The following HS3ST4 variants were observed in gnomAD, a reference collection of about 807,000 sequenced individuals.
The protein encoded by HS3ST4 is heparan sulfate glucosamine 3-O-sulfotransferase 4.
A neutral mutation model predicts 29.2 loss-of-function variants in HS3ST4; 17 were observed. That is an observed-to-expected ratio of 0.58 (90% CI 0.40 to 0.87). The LOEUF is 0.87. Among genes scored for constraint, HS3ST4 ranks in the 40% least tolerant of loss-of-function variants. The probability of loss-of-function intolerance (pLI) is 0.00; values close to 1 mark genes in which losing one functional copy is unlikely to be tolerated. For missense variants in HS3ST4, 627 were observed against 634.5 expected, an observed-to-expected ratio of 0.99 and a Z score of 0.13; for synonymous variants, 314 against 285.7, an observed-to-expected ratio of 1.10 and a Z score of -1.00.
chr16:25,723,619 A>T (rs76644256), intron 1 of HS3ST4, among the ~76,000 whole-genome samples: 12,073 of 152,226 alleles, frequency 0.079, 743 homozygotes, highest in East Asian at 0.24. Context: ...GAAAGAATGG[A>T]TTTGTCCATT....
At chr16:25,869,330 C>T (rs185346140) in intron 1 of HS3ST4, among the ~76,000 whole-genome samples, 2 of 152,238 alleles carry the variant, frequency 1.3e-5, no homozygotes, top group Non-Finnish European at 2.9e-5. Context: ...GTTGTGACGA[C>T]TTTCCCCATG....
intron 1 of HS3ST4, among the ~76,000 whole-genome samples, chr16:26,114,695 C>G (rs1456152600): frequency 6.6e-6 from 1 of 152,104 alleles, no homozygotes; most frequent in Non-Finnish European, 1.5e-5. Context: ...GTGTCAGTCA[C>G]TACACTGGTA....
At chr16:25,897,834 A>C (rs559777186) in intron 1 of HS3ST4, among the ~76,000 whole-genome samples, 21 of 152,034 alleles carry the variant, frequency 1.4e-4, no homozygotes, top group Non-Finnish European at 2.4e-4. Context: ...TTTTTAGTTT[A>C]TGTTCAGGTG....
intron 1 of HS3ST4, among the ~76,000 whole-genome samples, chr16:25,861,229 CT>C (rs1360559182): frequency 6.6e-6 from 1 of 152,086 alleles, no homozygotes; most frequent in East Asian, 1.9e-4. Flanking sequence ...GTCCTGGTGT[CT>C]GTCGCTGCAG....
At chr16:25,799,255 C>T (rs140911737) in intron 1 of HS3ST4, among the ~76,000 whole-genome samples, 2 of 152,288 alleles carry the variant, frequency 1.3e-5, no homozygotes, top group East Asian at 3.9e-4. Context: ...CTTGAAGTAC[C>T]ATGTTTTTTC....
chr16:25,719,872 T>C (rs992720734), intron 1 of HS3ST4, among the ~76,000 whole-genome samples: 6 of 152,184 alleles, frequency 3.9e-5, no homozygotes, highest in African/African-American at 1.4e-4. Context: ...GTTGTGGATA[T>C]GGAGTATACA....
chr16:25,714,817 T>C (rs954202232), intron 1 of HS3ST4, among the ~76,000 whole-genome samples: 1 of 152,230 alleles, frequency 6.6e-6, no homozygotes, highest in African/African-American at 2.4e-5. Flanking sequence ...ACTTCTCTCC[T>C]GATGGACATC....
At chr16:25,812,765 G>A (rs1967054483) in intron 1 of HS3ST4, among the ~76,000 whole-genome samples, 1 of 151,276 alleles carries the variant, frequency 6.6e-6, no homozygotes, top group Non-Finnish European at 1.5e-5. Flanking sequence ...GCAGTGGAGT[G>A]ATCATAGCTC....
chr16:25,722,231 G>T (rs1170738224), intron 1 of HS3ST4, among the ~76,000 whole-genome samples: 2 of 152,144 alleles, frequency 1.3e-5, no homozygotes, highest in Non-Finnish European at 2.9e-5. Context: ...AGTGCAAATG[G>T]TTTTCATTAA....
intron 1 of HS3ST4, among the ~76,000 whole-genome samples, chr16:26,042,665 AT>A (rs1385808869): frequency 3.3e-5 from 5 of 152,218 alleles, no homozygotes; most frequent in African/African-American, 1.2e-4. Context: ...CAGGAGAATC[AT>A]TATTTGCAGC....
At chr16:25,884,475 A>G (rs146470738) in intron 1 of HS3ST4, among the ~76,000 whole-genome samples, 4 of 152,342 alleles carry the variant, frequency 2.6e-5, no homozygotes, top group East Asian at 1.9e-4. Context: ...TTCTGGAGTT[A>G]TCATTTCATT....
chr16:26,113,668 G>T (rs1287207776), intron 1 of HS3ST4, among the ~76,000 whole-genome samples: 2 of 151,950 alleles, frequency 1.3e-5, no homozygotes, highest in African/African-American at 4.8e-5. Context: ...GAGAATAATG[G>T]CTGGGCAAAG....
intron 1 of HS3ST4, among the ~76,000 whole-genome samples, chr16:25,735,028 G>C (rs1399937980): frequency 6.6e-6 from 1 of 152,144 alleles, no homozygotes; most frequent in Non-Finnish European, 1.5e-5. Context: ...CTTGGTCAAG[G>C]AACTGACTCC....
At chr16:25,763,774 T>G (rs1196814801) in intron 1 of HS3ST4, among the ~76,000 whole-genome samples, 1 of 152,190 alleles carries the variant, frequency 6.6e-6, no homozygotes, top group Non-Finnish European at 1.5e-5. Context: ...CCACCACATA[T>G]AAACAGATTG....
intron 1 of HS3ST4, among the ~76,000 whole-genome samples, chr16:25,961,480 G>A (rs998030343): frequency 1.3e-5 from 2 of 152,256 alleles, no homozygotes; most frequent in East Asian, 3.9e-4. Context: ...TCTAAAAAGT[G>A]TATTGAGCAC....
intron 1 of HS3ST4, among the ~76,000 whole-genome samples, chr16:25,718,130 G>A (rs1261107821): frequency 1.3e-5 from 2 of 152,126 alleles, no homozygotes; most frequent in African/African-American, 4.8e-5. Context: ...GAGCAGGGTT[G>A]GGGGTAGAAC....
chr16:26,004,897 G>T (rs1233378518), intron 1 of HS3ST4, among the ~76,000 whole-genome samples: 2 of 152,104 alleles, frequency 1.3e-5, no homozygotes, highest in Non-Finnish European at 2.9e-5. Flanking sequence ...TCTGGATTTT[G>T]TCTCCATATG....
At chr16:25,838,292 T>C (rs1434368916) in intron 1 of HS3ST4, among the ~76,000 whole-genome samples, 1 of 150,676 alleles carries the variant, frequency 6.6e-6, no homozygotes, top group Non-Finnish European at 1.5e-5. Context: ...CTTATCTTAG[T>C]TAGTTTTCCC....
intron 1 of HS3ST4, among the ~76,000 whole-genome samples, chr16:25,969,515 A>G (rs1968876033): frequency 6.6e-6 from 1 of 152,228 alleles, no homozygotes; most frequent in Admixed American, 6.5e-5. Context: ...CAGTCAGTGA[A>G]CATCACGGCA....
Sources: allele counts gnomAD v4.1 joint callset (sites outside exome capture counted in the v4.1 genomes callset), GRCh38; gene constraint gnomAD v4.1.1; transcripts MANE v1.5; gene names NCBI Gene and HGNC (gene_info 2026-07-23, HGNC 2026-07-21).